NBPF8: variants seen among roughly 807,000 people sequenced by gnomAD.
NBPF8 encodes the protein NBPF family member NBPF8.
intron 12 of NBPF8, among the ~76,000 whole-genome samples, chr1:120,451,805 G>C (rs1278490379): frequency 2.0e-5 from 3 of 149,332 alleles, no homozygotes; most frequent in East Asian, 2.0e-4. Flanking sequence ...ACATGGAATT[G>C]TCCATGGCCA....
upstream of NBPF8, among the ~76,000 whole-genome samples, chr1:120,416,080 C>A (rs1328701284): frequency 1.3e-5 from 2 of 152,110 alleles, no homozygotes; most frequent in African/African-American, 4.8e-5. Context: ...AAGAATGAAT[C>A]CCAGTGCTTC....
intron 15 of NBPF8, among the ~76,000 whole-genome samples, chr1:120,454,698 C>T (rs1570940913): frequency 9.1e-5 from 3 of 33,096 alleles, no homozygotes; most frequent in East Asian, 9.0e-4. Context: ...TTTGTAGCAT[C>T]GTGGATTTTT....
At chr1:120,415,150 A>C (rs1327097003), upstream of NBPF8, among the ~76,000 whole-genome samples, 4 of 152,112 alleles carry the variant, frequency 2.6e-5, no homozygotes, top group Non-Finnish European at 5.9e-5. Context: ...ATCTGAGTGA[A>C]CGCGGTGCTT....
rs1345235685 is a variant in NBPF8 at position 120,454,186 on chromosome 1, A to T, written n.2568+72A>T. The T allele has an allele frequency of 3.4e-6, 5 of 1,469,284 alleles. No individual in the cohort carries two copies. In the African/African-American group the frequency reaches 7.1e-5, roughly 21 times the overall value. 91.0% of individuals were successfully genotyped at this position (1,469,284 alleles called of 1,614,324 possible). A position where few individuals can be genotyped will look rare whatever the true frequency, so the allele number is the denominator to read the frequency against. On this transcript the variant is annotated intron_variant and non_coding_transcript_variant, in intron 15 of 24. Coordinates refer to ENST00000583271, the Ensembl canonical transcript of NBPF8. ...AAGATAAACTCTGAAGACAGGCTCT[A>T]TAAACACAAATTCATTTGAATAAAA...
At chr1:120,418,949 AT>A (rs1210753068), upstream of NBPF8, among the ~76,000 whole-genome samples, 2 of 151,656 alleles carry the variant, frequency 1.3e-5, no homozygotes, top group Non-Finnish European at 2.9e-5. Context: ...TGTTATTATG[AT>A]TATTTTGTAT....
upstream of NBPF8, chr1:120,436,328 T>C (rs1461137097): frequency 2.6e-6 from 4 of 1,531,444 alleles, no homozygotes; most frequent in Non-Finnish European, 2.6e-6. Flanking sequence ...ACCTCGAACC[T>C]TGTTTTTGTG....
intron 3 of NBPF8, among the ~76,000 whole-genome samples, chr1:120,428,496 T>C (rs1241397891): frequency 1.3e-5 from 2 of 151,746 alleles, no homozygotes; most frequent in African/African-American, 4.8e-5. Context: ...TTGGAGATTG[T>C]TGTGGTGAAG....
At chr1:120,432,430 C>T (rs2101580126), upstream of NBPF8, 2 of 126,642 alleles carry the variant, frequency 1.6e-5, no homozygotes, top group South Asian at 2.6e-4. Context: ...GGTACTGAAA[C>T]AGTTGTTAGG....
intron 15 of NBPF8, among the ~76,000 whole-genome samples, chr1:120,454,965 T>A (rs1406597028): frequency 6.8e-6 from 1 of 148,052 alleles, no homozygotes; most frequent in Non-Finnish European, 1.5e-5. Context: ...TTCACCTGTC[T>A]TGGCCTCCCA....
At chr1:120,431,381 T>TC (rs1225191408), upstream of NBPF8, among the ~76,000 whole-genome samples, 9 of 70,674 alleles carry the variant, frequency 1.3e-4, no homozygotes, top group African/African-American at 5.4e-4. Context: ...TATATATATA[T>TC]ATATATATAT....
upstream of NBPF8, among the ~76,000 whole-genome samples, chr1:120,415,302 G>A (rs1553244949): frequency 1.3e-5 from 2 of 152,150 alleles, no homozygotes; most frequent in African/African-American, 2.4e-5. Flanking sequence ...AGGCCGGGGG[G>A]CGGTGAGTCC....
At chr1:120,421,648 C>A (rs1168763048) in intron 1 of NBPF8, among the ~76,000 whole-genome samples, 1 of 149,046 alleles carries the variant, frequency 6.7e-6, no homozygotes, top group Non-Finnish European at 1.5e-5. Context: ...ATAGACCACA[C>A]TGCACTGAAA....
intron 15 of NBPF8, among the ~76,000 whole-genome samples, chr1:120,454,636 G>A (rs1490400642): frequency 6.8e-6 from 1 of 146,832 alleles, no homozygotes; most frequent in Non-Finnish European, 1.5e-5. Context: ...CATAAAGCAA[G>A]GCTGGACCCT....
intron 11 of NBPF8, among the ~76,000 whole-genome samples, chr1:120,449,887 G>A (rs1457186566): frequency 2.0e-5 from 3 of 152,172 alleles, no homozygotes. Context: ...TTCAAGAGGA[G>A]TCTATTCCTA....
chr1:120,430,970 T>G (rs1346285461), intron 3 of NBPF8, among the ~76,000 whole-genome samples: 1 of 151,446 alleles, frequency 6.6e-6, no homozygotes, highest in Non-Finnish European at 1.5e-5. Flanking sequence ...CCAACCGGCA[T>G]TTTGGTAGAA....
exon 25 of NBPF8, chr1:120,466,055 C>T: frequency 1.2e-6 from 2 of 1,612,010 alleles, no homozygotes; most frequent in Non-Finnish European, 1.7e-6. Context: ...TCGACTCCAT[C>T]AATGTACTGT....
rs1337551966 is a variant in NBPF8 at position 120,466,053 on chromosome 1, A to G, written n.3644A>G. 142 of 1,611,970 alleles carry G rather than the reference A, an allele frequency of 8.8e-5. 1 individual carries two copies. The Middle Eastern group carries it at 1.3e-3, about 15-fold the overall frequency. On this transcript the variant is annotated non_coding_transcript_exon_variant, in exon 25 of 25. Coordinates refer to ENST00000583271, the Ensembl canonical transcript of NBPF8. ...CACTGGATAGATGTTATTCGACTCCATCAATGTACTGTGAACTACGTGACT... is the reference window on the plus strand; with the variant it reads ...CACTGGATAGATGTTATTCGACTCCGTCAATGTACTGTGAACTACGTGACT...
chr1:120,431,501 A>T (rs1338809406), upstream of NBPF8, among the ~76,000 whole-genome samples: 4 of 151,514 alleles, frequency 2.6e-5, no homozygotes, highest in East Asian at 7.8e-4. Context: ...AGAAAAGAAG[A>T]TACATGAATG....
upstream of NBPF8, chr1:120,433,177 G>A (rs1182640099): frequency 4.6e-5 from 7 of 152,140 alleles, no homozygotes; most frequent in African/African-American, 1.2e-4. Context: ...GGAGATTTTA[G>A]AGAAATTTGA....
Sources: gnomAD v4.1 joint callset for allele counts (sites outside exome capture counted in the v4.1 genomes callset) on GRCh38, gnomAD v4.1.1 for gene constraint, MANE v1.5 for transcripts, NCBI Gene and HGNC (gene_info 2026-07-23, HGNC 2026-07-21) for gene names.